Variants in SUPT6H observed in about 807,000 individuals in gnomAD.
SUPT6H encodes SPT6 homolog, histone chaperone and transcription elongation factor.
In SUPT6H, 11 loss-of-function variants were observed where a neutral mutation model predicts 222.3. The ratio of observed to expected loss-of-function variants is 0.05; its 90% CI spans 0.03 to 0.08. The LOEUF is 0.08. SUPT6H is among the 10% of genes least tolerant of loss of function. The pLI is 1.00. For synonymous variants in SUPT6H, 762 were observed against 801.2 expected (o/e 0.95, Z 0.83); for missense variants, 1,422 against 2,216.0 (o/e 0.64, Z 7.19).
In SUPT6H at chr17:28,674,623, A is replaced by G; in HGVS notation, c.345+10A>G. The G allele has an allele frequency of 6.2e-7, 1 of 1,613,508 alleles. No individual in the cohort carries two copies. The highest frequency in any genetic ancestry group is 8.5e-7 in the Non-Finnish European group (1 of 1,179,410). ...CAAAGTCAAAAGAGGAGTAAGTGTC[A>G]TTCTTTGTCTTTTGTCCCTGGGGGT... is the stretch of plus-strand genomic sequence containing the variant. On this transcript the variant is annotated intron_variant, in intron 4 of 36. Transcript: ENST00000314616.
At chr17:28,698,496 C>T (rs1192882423) in intron 32 of SUPT6H, among the ~76,000 whole-genome samples, 1 of 152,344 alleles carries the variant, frequency 6.6e-6, no homozygotes, top group African/African-American at 2.4e-5. Context: ...CTGCCTGCTG[C>T]TCTGCCTGCT....
At position 28,674,414 on chromosome 17, in the gene SUPT6H, G is replaced by C. The variant is rs779785431; in HGVS notation, c.241G>C (p.Asp81His). Residue 81 changes from aspartate to histidine, a missense_variant, in exon 3 of 37, where the codon GAT becomes CAT. Physicochemically the swap from Asp to His is moderately conservative, Grantham distance 81. Coordinates refer to ENST00000314616, the MANE Select transcript of SUPT6H (RefSeq NM_003170.5). Reference protein sequence around the residue: ...EGSDSGDSEDDVGHKKRKRTS... With the variant: ...EGSDSGDSEDHVGHKKRKRTS... The stretch of plus-strand genomic sequence containing the variant: ...CAGTGACTCTGGTGATTCAGAAGAT[G>C]ATGTTGGCCACAAGAAGAGAAAACG... 2.5e-6 allele frequency: 4 copies of C among 1,613,806 alleles called. No individual in the cohort carries two copies. In the Admixed American group the frequency reaches 5.0e-5, roughly 20 times the overall value.
rs1397944443 is a variant in SUPT6H, at chr17:28,673,494, G to A, written c.93G>A (p.Val31=). The part of the protein sequence containing the change: ...EVVPRVTKKF[V]EEEDDDEEEE... Reference sequence around the variant, plus strand: ...TACCCCGAGTCACCAAGAAATTTGTGGAAGAGGAGGATGATGGTGAGGAGG... The same window carrying A: ...TACCCCGAGTCACCAAGAAATTTGTAGAAGAGGAGGATGATGGTGAGGAGG... Residue 31 remains valine (V), a synonymous_variant, in exon 2 of 37, where the codon GTG becomes GTA. Coordinates refer to ENST00000314616, the MANE Select transcript of SUPT6H (RefSeq NM_003170.5). 3.1e-6 allele frequency: 5 copies of A among 1,612,846 alleles called. No homozygotes were observed. Among genetic ancestry groups the A allele is most frequent in the Non-Finnish European group, 4.2e-6 (5 of 1,179,584 alleles).
Position 28,681,024 on chromosome 17 carries a change from C to G in SUPT6H, c.1350-232C>G, listed in dbSNP as rs909370112. On this transcript the variant is annotated intron_variant, in intron 11 of 36. Coordinates refer to ENST00000314616, the MANE Select transcript of SUPT6H (RefSeq NM_003170.5). ...GGAGAGCAGTGGTGTGGTCACAGTT[C>G]GCGGCAGCCTCAACCGCCCGGGTTC... 4 of 469,734 alleles carry G rather than the reference C, an allele frequency of 8.5e-6. No individual in the cohort carries two copies. The East Asian group carries it at 1.7e-4, about 20-fold the overall frequency. The allele number at this position is 469,734 out of a possible 1,614,324, so 29.1% of individuals were successfully genotyped here.
rs565008255 is a variant in SUPT6H at position 28,683,386 on chromosome 17, C to G, written c.1997C>G (p.Thr666Ser). 1.2e-6 allele frequency: 2 copies of G among 1,614,148 alleles called. No individual in the cohort carries two copies. The highest frequency in any genetic ancestry group is 1.7e-6 in the Non-Finnish European group (2 of 1,180,040). ...ICLAEDEGLL[T>S]TDISIDLKGV... ...CTGGCTGAAGACGAAGGGCTCCTCA[C>G]CACTGACATCAGCATAGATTTGAAG... Residue 666 changes from threonine to serine, a missense_variant, in exon 16 of 37, where the codon ACC becomes AGC. Physicochemically the swap from Thr to Ser is moderately conservative, Grantham distance 58. Around this residue, in one of 13 missense-constraint regions of SUPT6H, gnomAD observed 121 missense variants for 158.0 expected, o/e 0.77. Transcript: ENST00000314616.
At chr17:28,679,766 C>T (rs558309143) in intron 11 of SUPT6H, among the ~76,000 whole-genome samples, 18 of 151,448 alleles carry the variant, frequency 1.2e-4, no homozygotes, top group East Asian at 2.0e-4. Context: ...CCAGGGCGGG[C>T]GGGTCATGAG....
Position 28,701,105 on chromosome 17 carries a change from C to T in SUPT6H, c.4971C>T (p.Ser1657=). 6.2e-7 allele frequency: 1 copy of T among 1,611,938 alleles called. No individual in the cohort carries two copies. The change falls in exon 36 of 37, where the codon TCC becomes TCT. Residue 1657 remains serine (S), a synonymous_variant. Coordinates refer to ENST00000314616, the MANE Select transcript of SUPT6H (RefSeq NM_003170.5). ...CCCAGCCCCAGCCCTCTTCCAGCTC[C>T]CGGCAACGGCAGCAGCAGCCAAAGT... ...AQAQPQPSSS[S]RQRQQQPKSN...
In SUPT6H at chr17:28,701,079, G is replaced by A. The variant is rs1371342777; in HGVS notation, c.4945G>A (p.Ala1649Thr). Residue 1649 changes from alanine to threonine, a missense_variant, in exon 36 of 37, where the codon GCC becomes ACC. Ala to Thr is a moderately conservative substitution (Grantham distance 58). Transcript: ENST00000314616. ...CAGCACCACCCCACAGTCGGCCCAGGCCCAGCCCCAGCCCTCTTCCAGCTC... is the reference window on the plus strand; with the variant it reads ...CAGCACCACCCCACAGTCGGCCCAGACCCAGCCCCAGCCCTCTTCCAGCTC... ...QASTTPQSAQAQPQPSSSSRQ... is the reference protein window; with the variant it reads ...QASTTPQSAQTQPQPSSSSRQ... 6.2e-7 allele frequency: 1 copy of A among 1,613,418 alleles called. No individual in the cohort carries two copies. Among genetic ancestry groups the A allele is most frequent in the Non-Finnish European group, 8.5e-7 (1 of 1,179,906 alleles).
rs2031305159 is a variant in SUPT6H at position 28,684,910 on chromosome 17, C to A, written c.2436C>A (p.Pro812=). 1.2e-6 allele frequency: 2 copies of A among 1,614,072 alleles called. No homozygotes were observed. The highest frequency in any genetic ancestry group is 1.3e-5 in the African/African-American group (1 of 74,926). ...EGEVTDFLRL[P]HFTKRRTAWR... ...AAGTGACAGACTTCCTTCGACTGCC[C>A]CATTTTACCAAACGGCGAACTGCAT... The change falls in exon 19 of 37, where the codon CCC becomes CCA. Residue 812 remains proline (P), a synonymous_variant. Coordinates refer to ENST00000314616, the MANE Select transcript of SUPT6H (RefSeq NM_003170.5).
chr17:28,696,334 C>T (rs2031912287), intron 29 of SUPT6H, among the ~76,000 whole-genome samples: 1 of 147,024 alleles, frequency 6.8e-6, no homozygotes, highest in Non-Finnish European at 1.5e-5. Flanking sequence ...CGATGGCTCA[C>T]GCCTGTAATC....
chr17:28,675,675 C>T (rs1445967989), intron 6 of SUPT6H, among the ~76,000 whole-genome samples, 190 bp downstream of exon 6: 1 of 152,220 alleles, frequency 6.6e-6, no homozygotes, highest in Non-Finnish European at 1.5e-5. Flanking sequence ...TGTCTCTGCA[C>T]TCTAGGACTA....
intron 11 of SUPT6H, among the ~76,000 whole-genome samples, chr17:28,680,608 A>G (rs2031048085): frequency 6.6e-6 from 1 of 152,154 alleles, no homozygotes; most frequent in Non-Finnish European, 1.5e-5. Flanking sequence ...AAAAATAAAT[A>G]AATACGATAT....
intron 7 of SUPT6H, among the ~76,000 whole-genome samples, chr17:28,677,229 A>G (rs1047152859): frequency 1.7e-4 from 26 of 152,226 alleles, no homozygotes; most frequent in African/African-American, 5.8e-4. Flanking sequence ...AAAAAAAAAA[A>G]AAATTAGCTG....
rs147731795 is a variant in SUPT6H at position 28,689,751 on chromosome 17, A to C, written c.3342+190A>C. Among the ~76,000 whole-genome samples the C allele has an allele frequency of 1.0e-3, 152 of 152,276 alleles. 1 individual carries two copies. In the Middle Eastern group the frequency reaches 0.01, roughly 10 times the overall value. The stretch of plus-strand genomic sequence containing the variant: ...GGTCTGCTTGTTAAGGAGCCAGGGA[A>C]GTCTCAGAGATTGCCACCATAATTA... On this transcript the variant is annotated intron_variant, in intron 25 of 36. Transcript: ENST00000314616.
At chr17:28,664,512 A>G (rs2029904573) in intron 1 of SUPT6H, among the ~76,000 whole-genome samples, 1 of 152,162 alleles carries the variant, frequency 6.6e-6, no homozygotes, top group African/African-American at 2.4e-5. Flanking sequence ...CTCAAAATAT[A>G]TGTATATCTA....
intron 29 of SUPT6H, among the ~76,000 whole-genome samples, chr17:28,695,800 G>A (rs972985167): frequency 3.3e-5 from 5 of 152,280 alleles, no homozygotes; most frequent in Admixed American, 6.5e-5. Flanking sequence ...AGGAGCCCAG[G>A]TGAACATGTC....
At chr17:28,674,462 T>G (rs759804469) in intron 3 of SUPT6H, 21 bp downstream of exon 3, 1 of 1,614,152 alleles carries the variant, frequency 6.2e-7, no homozygotes, top group Non-Finnish European at 8.5e-7. Flanking sequence ...TGTCGTTGGC[T>G]CAAGTGAGGC....
chr17:28,697,482 G>A, intron 30 of SUPT6H, 138 bp from the exon 31 acceptor site: 1 of 674,764 alleles, frequency 1.5e-6, no homozygotes, highest in Non-Finnish European at 2.6e-6. Flanking sequence ...ATCTGGACAT[G>A]ACACAGATGG....
intron 26 of SUPT6H, 101 bp downstream of exon 26, chr17:28,690,330 G>C: frequency 6.9e-7 from 1 of 1,440,136 alleles, no homozygotes; most frequent in South Asian, 1.3e-5. Flanking sequence ...GGTTTGTGTT[G>C]TACATGGGGA....
Sources: allele counts gnomAD v4.1 joint callset (sites outside exome capture counted in the v4.1 genomes callset), GRCh38; gene constraint gnomAD v4.1.1; regional missense constraint gnomAD v4.1.1; transcripts MANE v1.5; gene names NCBI Gene and HGNC (gene_info 2026-07-23, HGNC 2026-07-21).